The following STON2 variants were observed in gnomAD, a reference collection of about 807,000 sequenced individuals.
STON2 encodes the protein stonin 2.
Under a neutral mutation model 65.7 loss-of-function variants are expected in STON2, and 29 were observed. That is an observed-to-expected ratio of 0.44 (90% CI 0.33 to 0.60). STON2 has a LOEUF of 0.60. Among genes scored for constraint, STON2 ranks in the 20% least tolerant of loss-of-function variants. The probability of loss-of-function intolerance (pLI) is 0.03; values close to 1 mark genes in which losing one functional copy is unlikely to be tolerated. For missense variants in STON2, 1,054 were observed against 1,118.1 expected (o/e 0.94, Z 0.82); for synonymous variants, 404 against 414.2 (o/e 0.98, Z 0.30).
At chr14:81,313,998 G>T (rs1358269686) in intron 5 of STON2, among the ~76,000 whole-genome samples, 1 of 152,190 alleles carries the variant, frequency 6.6e-6, no homozygotes, top group East Asian at 1.9e-4. Flanking sequence ...GATGTGGTGT[G>T]TGACTAAGAG....
chr14:81,263,126 T>G lies in STON2; in HGVS notation c.*5288A>C. 1 of 985,424 alleles carries G rather than the reference T, an allele frequency of 1.0e-6. No individual in the cohort carries two copies. Among genetic ancestry groups the G allele is most frequent in the Non-Finnish European group, 1.2e-6 (1 of 829,930 alleles). 61.0% of individuals were successfully genotyped at this position (985,424 alleles called of 1,614,324 possible). A position where few individuals can be genotyped will look rare whatever the true frequency, so the allele number is the denominator to read the frequency against. ...TTGTGGATTTAATTTTTTGTTAGTT[T>G]TGCTTGAAATTCCTGTTAAATTGCA... is the stretch of plus-strand genomic sequence containing the variant. On this transcript the variant is annotated 3_prime_UTR_variant, in exon 8 of 8. Transcript: ENST00000614646.
At chr14:81,379,920 T>C (rs1408515000) in intron 3 of STON2, among the ~76,000 whole-genome samples, 1 of 152,188 alleles carries the variant, frequency 6.6e-6, no homozygotes, top group Admixed American at 6.5e-5. Context: ...AATACCATTC[T>C]GGACATTGGC....
At chr14:81,430,628 T>C (rs1430786472) in intron 1 of STON2, among the ~76,000 whole-genome samples, 1 of 152,196 alleles carries the variant, frequency 6.6e-6, no homozygotes, top group East Asian at 1.9e-4. Flanking sequence ...ATTATGTATC[T>C]ATAGAATTTT....
At chr14:81,398,229 A>G in intron 2 of STON2, 66 bp downstream of exon 2, 3 of 1,128,732 alleles carry the variant, frequency 2.7e-6, no homozygotes, top group Non-Finnish European at 3.9e-6. Context: ...ATCAAGTAGA[A>G]GCCATAACAA....
At chr14:81,313,904 T>C (rs1478308807) in intron 5 of STON2, among the ~76,000 whole-genome samples, 1 of 151,952 alleles carries the variant, frequency 6.6e-6, no homozygotes, top group African/African-American at 2.4e-5. Flanking sequence ...AACAGATTTA[T>C]TAGGGAACAT....
At chr14:81,283,814 C>A (rs1417102896) in intron 5 of STON2, among the ~76,000 whole-genome samples, 2 of 152,280 alleles carry the variant, frequency 1.3e-5, no homozygotes, top group African/African-American at 4.8e-5. Context: ...CAGGCGTGAG[C>A]CACTGTACCC....
intron 4 of STON2, among the ~76,000 whole-genome samples, chr14:81,364,948 T>C (rs557398910): frequency 1.3e-5 from 2 of 152,170 alleles, no homozygotes; most frequent in African/African-American, 4.8e-5. Flanking sequence ...ATGTGTGTGC[T>C]GAGCTAATGA....
chr14:81,425,174 G>A (rs1901905490), intron 2 of STON2, among the ~76,000 whole-genome samples: 1 of 152,206 alleles, frequency 6.6e-6, no homozygotes. Context: ...TTAGCTTTGA[G>A]AGTGAGAGTT....
At chr14:81,424,699 T>G (rs571159171) in intron 2 of STON2, among the ~76,000 whole-genome samples, 2 of 152,304 alleles carry the variant, frequency 1.3e-5, no homozygotes, top group African/African-American at 4.8e-5. Context: ...ACCTTGTGAC[T>G]TCCTGGGCTC....
At chr14:81,373,687 C>G (rs1437063404) in intron 3 of STON2, among the ~76,000 whole-genome samples, 1 of 152,054 alleles carries the variant, frequency 6.6e-6, no homozygotes, top group Non-Finnish European at 1.5e-5. Flanking sequence ...AATAAAGAAC[C>G]TAGGGCCAAC....
chr14:81,390,582 A>G (rs1180929261), intron 3 of STON2, among the ~76,000 whole-genome samples: 2 of 143,494 alleles, frequency 1.4e-5, no homozygotes, highest in African/African-American at 5.7e-5. Context: ...CAAAACAAAA[A>G]ACAAACAAAC....
At chr14:81,364,781 G>A (rs1898645996) in intron 4 of STON2, among the ~76,000 whole-genome samples, 1 of 152,082 alleles carries the variant, frequency 6.6e-6, no homozygotes, top group African/African-American at 2.4e-5. Context: ...TTGGCCTCTT[G>A]CATGGGACAC....
chr14:81,425,588 G>A (rs1426626872), intron 2 of STON2, among the ~76,000 whole-genome samples: 2 of 152,000 alleles, frequency 1.3e-5, no homozygotes, highest in South Asian at 4.1e-4. Flanking sequence ...AAAAAAGTAG[G>A]GAAGATTGGT....
intron 2 of STON2, among the ~76,000 whole-genome samples, chr14:81,425,568 C>T (rs942632831): frequency 6.7e-6 from 1 of 150,208 alleles, no homozygotes; most frequent in Admixed American, 6.6e-5. Context: ...TGAACTCTGC[C>T]ATCAAAAAAA....
Position 81,348,037 on chromosome 14 carries a change from A to G in STON2, c.571+22951T>C, listed in dbSNP as rs370640764. ...AGAAAAAAAAACTAAAATCATCTCAATAGGCAAAAAAAGAGCATTTGGTAA... is the reference window on the plus strand; with the variant it reads ...AGAAAAAAAAACTAAAATCATCTCAGTAGGCAAAAAAAGAGCATTTGGTAA... On this transcript the variant is annotated intron_variant, in intron 4 of 7. Coordinates refer to ENST00000614646, the MANE Select transcript of STON2 (RefSeq NM_001394390.1). Among the ~76,000 whole-genome samples the G allele has an allele frequency of 2.6e-5, 4 of 152,234 alleles. No homozygotes were observed. The East Asian group carries it at 7.7e-4, about 29-fold the overall frequency.
chr14:81,393,493 G>A (rs553575689), intron 3 of STON2, among the ~76,000 whole-genome samples: 1 of 152,170 alleles, frequency 6.6e-6, no homozygotes, highest in Admixed American at 6.5e-5. Flanking sequence ...CCTTGGGGCC[G>A]GTCAGCCTGG....
chr14:81,319,040 T>TA (rs2140236386), intron 5 of STON2, among the ~76,000 whole-genome samples: 1 of 152,142 alleles, frequency 6.6e-6, no homozygotes, highest in East Asian at 1.9e-4. Context: ...ATGCTAAAGG[T>TA]AGCGGCTGGT....
At chr14:81,424,261 T>G (rs1194221700) in intron 2 of STON2, among the ~76,000 whole-genome samples, 2 of 152,056 alleles carry the variant, frequency 1.3e-5, no homozygotes, top group Non-Finnish European at 2.9e-5. Flanking sequence ...CTGGCCAACA[T>G]GGTGAAACCC....
intron 4 of STON2, among the ~76,000 whole-genome samples, chr14:81,331,303 G>A (rs1205731693): frequency 6.6e-6 from 1 of 152,222 alleles, no homozygotes; most frequent in Non-Finnish European, 1.5e-5. Context: ...AATGTGGATA[G>A]GAGAATTATG....
Sources: gnomAD v4.1 joint callset for allele counts (sites outside exome capture counted in the v4.1 genomes callset) on GRCh38, gnomAD v4.1.1 for gene constraint, MANE v1.5 for transcripts, NCBI Gene and HGNC (gene_info 2026-07-23, HGNC 2026-07-21) for gene names.